Variants in P4HA1 observed in about 807,000 individuals in gnomAD.
The protein encoded by P4HA1 is prolyl 4-hydroxylase subunit alpha 1.
A neutral mutation model predicts 72.8 loss-of-function variants in P4HA1; 24 were observed. That is an observed-to-expected ratio of 0.33 (90% CI 0.24 to 0.46). The LOEUF is 0.46. Ranked by LOEUF, P4HA1 falls within the 20% of genes least tolerant of loss-of-function variation. The pLI, the probability that P4HA1 is intolerant of heterozygous loss-of-function variation, is 1.00. For synonymous variants in P4HA1, 201 were observed against 218.8 expected (o/e 0.92, Z 0.72); for missense variants, 446 against 640.6 (o/e 0.70, Z 3.28).
At chr10:73,090,094 A>C (rs974110462) in intron 1 of P4HA1, among the ~76,000 whole-genome samples, 3 of 152,016 alleles carry the variant, frequency 2.0e-5, no homozygotes, top group African/African-American at 4.8e-5. Flanking sequence ...TCGGCCCCCC[A>C]GAGTGTTGGG....
intron 5 of P4HA1, among the ~76,000 whole-genome samples, chr10:73,057,187 G>A (rs1408032737): frequency 6.6e-6 from 1 of 151,058 alleles, no homozygotes; most frequent in Non-Finnish European, 1.5e-5. Context: ...AACATGAAAT[G>A]CTAGTTAAAA....
chr10:73,055,878 A>G (rs531883072), intron 5 of P4HA1, among the ~76,000 whole-genome samples: 1 of 152,340 alleles, frequency 6.6e-6, no homozygotes, highest in South Asian at 2.1e-4. Context: ...ATTACAGATG[A>G]GGAACTAAAA....
intron 5 of P4HA1, among the ~76,000 whole-genome samples, chr10:73,058,316 C>T (rs1841210001): frequency 6.6e-6 from 1 of 152,072 alleles, no homozygotes; most frequent in Non-Finnish European, 1.5e-5. Context: ...TTTGATTAAC[C>T]TCAGTCCCAC....
At chr10:73,062,238 GTGTA>G (rs1392867652) in intron 5 of P4HA1, among the ~76,000 whole-genome samples, 5 of 152,040 alleles carry the variant, frequency 3.3e-5, no homozygotes, top group Non-Finnish European at 7.4e-5. Flanking sequence ...CTTTATTTTT[GTGTA>G]TGTGTGACAT....
At chr10:73,030,184 T>G in intron 10 of P4HA1, 87 bp downstream of exon 10, 1 of 546,976 alleles carries the variant, frequency 1.8e-6, no homozygotes, top group Non-Finnish European at 3.1e-6. Context: ...TCATGCAAAT[T>G]GAGGACTGCC....
intron 7 of P4HA1, among the ~76,000 whole-genome samples, chr10:73,048,258 G>T (rs1270758376): frequency 6.6e-6 from 1 of 151,960 alleles, no homozygotes; most frequent in Admixed American, 6.6e-5. Context: ...CTGAGAAAAA[G>T]AATTTTTTGT....
intron 5 of P4HA1, among the ~76,000 whole-genome samples, chr10:73,056,692 G>A (rs1841155367): frequency 6.6e-6 from 1 of 151,920 alleles, no homozygotes; most frequent in South Asian, 2.1e-4. Flanking sequence ...AGGCATATTG[G>A]AATGGGAAAA....
chr10:73,057,060 G>GAA (rs536039460), intron 5 of P4HA1, among the ~76,000 whole-genome samples: 4 of 91,412 alleles, frequency 4.4e-5, no homozygotes, highest in Non-Finnish European at 9.3e-5. Flanking sequence ...ACGCTGTCTC[G>GAA]AAAAAAAAAA....
intron 10 of P4HA1, among the ~76,000 whole-genome samples, chr10:73,023,959 A>AC (rs1840199959): frequency 6.6e-6 from 1 of 152,142 alleles, no homozygotes; most frequent in African/African-American, 2.4e-5. Flanking sequence ...ATATATATGC[A>AC]CCCAATACAG....
intron 5 of P4HA1, among the ~76,000 whole-genome samples, chr10:73,058,490 C>G (rs1378321672): frequency 1.3e-5 from 2 of 152,194 alleles, no homozygotes; most frequent in Non-Finnish European, 2.9e-5. Context: ...TTTGTCCCTA[C>G]AGAGCATGTA....
intron 9 of P4HA1, among the ~76,000 whole-genome samples, chr10:73,035,034 T>C (rs1840537092): frequency 6.6e-6 from 1 of 152,226 alleles, no homozygotes; most frequent in African/African-American, 2.4e-5. Flanking sequence ...AACCTTGGGC[T>C]ATAGTGAATA....
chr10:73,060,298 A>AT, intron 5 of P4HA1, among the ~76,000 whole-genome samples: 1 of 152,358 alleles, frequency 6.6e-6, no homozygotes, highest in African/African-American at 2.4e-5. Context: ...TGTGGTTTTC[A>AT]ATTTGAACAA....
chr10:73,044,934 TA>T (rs769070879), intron 9 of P4HA1, 46 bp downstream of exon 9: 10 of 1,454,780 alleles, frequency 6.9e-6, no homozygotes, highest in Admixed American at 5.3e-5. Flanking sequence ...GTAAGATGTA[TA>T]AAACACTCAT....
chr10:73,070,069 C>T (rs1841518340), intron 4 of P4HA1, among the ~76,000 whole-genome samples: 1 of 149,940 alleles, frequency 6.7e-6, no homozygotes, highest in Non-Finnish European at 1.5e-5. Context: ...CTTGGTCTCC[C>T]AAAGTGCTGG....
At chr10:73,042,343 C>T (rs910336323) in intron 9 of P4HA1, among the ~76,000 whole-genome samples, 2 of 152,146 alleles carry the variant, frequency 1.3e-5, no homozygotes, top group Admixed American at 6.5e-5. Context: ...TCAACACATT[C>T]GGTCCAGCCT....
intron 4 of P4HA1, among the ~76,000 whole-genome samples, chr10:73,070,578 G>A (rs1841535650): frequency 6.6e-6 from 1 of 151,850 alleles, no homozygotes; most frequent in African/African-American, 2.4e-5. Flanking sequence ...CTTTTTACCA[G>A]TATAATTCCA....
At chr10:73,076,090 A>G (rs929712796) in intron 1 of P4HA1, among the ~76,000 whole-genome samples, 20 of 152,080 alleles carry the variant, frequency 1.3e-4, no homozygotes, top group Non-Finnish European at 2.5e-4. Context: ...AACATGAATA[A>G]ATAAAATAAA....
At chr10:73,011,066 A>AGG in intron 12 of P4HA1, 29 bp from the exon 13 acceptor site, 3 of 1,554,908 alleles carry the variant, frequency 1.9e-6, no homozygotes, top group Non-Finnish European at 2.7e-6. Context: ...TGTTATCAAA[A>AGG]GTGCTGGTAG....
At chr10:73,085,282 T>C (rs1326473878) in intron 1 of P4HA1, among the ~76,000 whole-genome samples, 1 of 152,214 alleles carries the variant, frequency 6.6e-6, no homozygotes, top group African/African-American at 2.4e-5. Context: ...CTAAAACTGC[T>C]GTGCTTCAAG....
Sources: gnomAD v4.1 joint callset for allele counts (sites outside exome capture counted in the v4.1 genomes callset) on GRCh38, gnomAD v4.1.1 for gene constraint, MANE v1.5 for transcripts, NCBI Gene and HGNC (gene_info 2026-07-23, HGNC 2026-07-21) for gene names.